ANKRD12: variants seen among roughly 807,000 people sequenced by gnomAD.
The protein encoded by ANKRD12 is ankyrin repeat domain 12.
ANKRD12 carries 85 observed loss-of-function variants against 183.4 expected under a neutral mutation model. That is an observed-to-expected ratio of 0.46 (90% CI 0.39 to 0.56). The LOEUF (loss-of-function observed/expected upper bound fraction) is 0.56. Among genes scored for constraint, ANKRD12 ranks in the 20% least tolerant of loss-of-function variants. The probability of loss-of-function intolerance (pLI) is 0.00; values close to 1 mark genes in which losing one functional copy is unlikely to be tolerated. For missense variants in ANKRD12, 2,405 were observed against 2,357.1 expected (o/e 1.02, Z -0.42); for synonymous variants, 914 against 800.2 (o/e 1.14, Z -2.40).
intron 10 of ANKRD12, among the ~76,000 whole-genome samples, 158 bp from the exon 11 acceptor site, chr18:9,275,366 C>T (rs114780193): frequency 0.018 from 2,743 of 151,786 alleles, 84 homozygotes; most frequent in African/African-American, 0.062. Context: ...CCAACTACTA[C>T]GGAGGCTGAG....
intron 1 of ANKRD12, among the ~76,000 whole-genome samples, chr18:9,170,233 G>A (rs1049844583): frequency 1.3e-5 from 2 of 152,246 alleles, no homozygotes. Context: ...GGCATTCTCT[G>A]TATTTCCTGA....
At chr18:9,176,385 G>A (rs1376994264) in intron 1 of ANKRD12, among the ~76,000 whole-genome samples, 2 of 151,998 alleles carry the variant, frequency 1.3e-5, no homozygotes, top group Non-Finnish European at 2.9e-5. Context: ...CTGCTTCCCA[G>A]GCTCAAGGAG....
chr18:9,138,345 C>T (rs1243972496), intron 1 of ANKRD12, among the ~76,000 whole-genome samples: 1 of 152,096 alleles, frequency 6.6e-6, no homozygotes, highest in Admixed American at 6.6e-5. Context: ...AAACCCCCGT[C>T]TCTACTAAAT....
rs1312327830 is a variant in ANKRD12, at chr18:9,254,337, C to T, written c.1070C>T (p.Ala357Val). 2 of 1,612,724 alleles carry T rather than the reference C, an allele frequency of 1.2e-6. No homozygotes were observed. Among genetic ancestry groups the T allele is most frequent in the African/African-American group, 1.3e-5 (1 of 74,806 alleles). Residue 357 changes from alanine to valine, a missense_variant, in exon 9 of 13, where the codon GCC becomes GTC. Physicochemically the swap from Ala to Val is moderately conservative, Grantham distance 64. Around this residue, in one of 7 missense-constraint regions of ANKRD12, gnomAD observed 1,983 missense variants for 1,725.9 expected, o/e 1.15. Transcript: ENST00000262126. ...CCCAGTAAAACACCTCTTCCATCTG[C>T]CCTTGATGAGTATGAGTTCAAAGAT... ...ILPSKTPLPS[A>V]LDEYEFKDDD...
chr18:9,157,585 G>GTGTGTGTGTGTGTGTGTGTA (rs1472659778), intron 1 of ANKRD12, among the ~76,000 whole-genome samples: 2 of 92,706 alleles, frequency 2.2e-5, no homozygotes, highest in African/African-American at 1.1e-4. Context: ...GTGTGTGTGT[G>GTGTGTGTGTGTGTGTGTGTA]TATATATATA....
In ANKRD12 at chr18:9,222,950, T is replaced by G. The variant is rs1252229945; in HGVS notation, c.943+951T>G. Among the ~76,000 whole-genome samples the G allele has an allele frequency of 2.6e-5, 4 of 152,312 alleles. No homozygotes were observed. The East Asian group carries it at 7.7e-4, about 29-fold the overall frequency. On this transcript the variant is annotated intron_variant, in intron 8 of 12. Coordinates refer to ENST00000262126, the MANE Select transcript of ANKRD12 (RefSeq NM_015208.5). Reference sequence around the variant, plus strand: ...AATGAAGTCATGGAATAAAAACTTTTGGCAGTGAGCACTGATTACAGACAA... The same window carrying G: ...AATGAAGTCATGGAATAAAAACTTTGGGCAGTGAGCACTGATTACAGACAA...
In ANKRD12 at chr18:9,255,126, C is replaced by A; in HGVS notation, c.1859C>A (p.Ser620Ter). Reference protein sequence around the residue: ...KDFHLEFGEKSNAKIKDEDHS... With the variant: ...KDFHLEFGEK ...TTCCACTTAGAATTTGGTGAAAAAT[C>A]AAATGCCAAAATAAAGGATGAAGAT... Residue 620 changes from serine to a stop codon, truncating the protein, a stop_gained, in exon 9 of 13, where the codon TCA becomes TAA. Transcript: ENST00000262126. LOFTEE classifies it high-confidence loss of function. 1.9e-6 allele frequency: 3 copies of A among 1,575,808 alleles called. No individual in the cohort carries two copies. Among genetic ancestry groups the A allele is most frequent in the East Asian group, 2.3e-5 (1 of 43,700 alleles).
intron 1 of ANKRD12, among the ~76,000 whole-genome samples, chr18:9,169,470 C>T (rs2032456470): frequency 6.6e-6 from 1 of 152,108 alleles, no homozygotes; most frequent in Admixed American, 6.5e-5. Context: ...TCTGTAATGG[C>T]CTTCTTTGTC....
intron 3 of ANKRD12, chr18:9,200,527 A>C (rs1416245829): frequency 6.6e-6 from 1 of 152,132 alleles, no homozygotes. Context: ...TGACAGGATA[A>C]ATTTTATAGT....
At chr18:9,276,298 G>A (rs1381350670) in intron 11 of ANKRD12, among the ~76,000 whole-genome samples, 1 of 152,152 alleles carries the variant, frequency 6.6e-6, no homozygotes, top group Non-Finnish European at 1.5e-5. Flanking sequence ...TGTTCTAAAG[G>A]AAATAAGCTA....
chr18:9,238,766 C>T (rs2037490522), intron 8 of ANKRD12, among the ~76,000 whole-genome samples: 1 of 152,158 alleles, frequency 6.6e-6, no homozygotes, highest in Admixed American at 6.5e-5. Context: ...CGTTTTTGTC[C>T]AGTCTAAACT....
In ANKRD12 at chr18:9,255,167, G is replaced by C; in HGVS notation, c.1900G>C (p.Glu634Gln). ...IKDEDHSPTF[E>Q]NSDCTLKKMD... Reference sequence around the variant, plus strand: ...GGATGAAGATCATAGTCCAACATTTGAAAATTCAGATTGCACACTGAAAAA... The same window carrying C: ...GGATGAAGATCATAGTCCAACATTTCAAAATTCAGATTGCACACTGAAAAA... Residue 634 changes from glutamate to glutamine, a missense_variant, in exon 9 of 13, where the codon GAA becomes CAA. Around this residue, in one of 7 missense-constraint regions of ANKRD12, gnomAD observed 1,983 missense variants for 1,725.9 expected, o/e 1.15. Coordinates refer to ENST00000262126, the MANE Select transcript of ANKRD12 (RefSeq NM_015208.5). The C allele has an allele frequency of 3.8e-6, 6 of 1,580,388 alleles. No individual in the cohort carries two copies. Among genetic ancestry groups the C allele is most frequent in the Non-Finnish European group, 5.1e-6 (6 of 1,168,956 alleles).
At position 9,257,304 on chromosome 18, in the gene ANKRD12, C is replaced by T; in HGVS notation, c.4037C>T (p.Pro1346Leu). The change falls in exon 9 of 13, where the codon CCC (proline) becomes CTC (leucine). Residue 1346 changes from proline (P) to leucine (L), a missense_variant. Transcript: ENST00000262126. ...LTVPGDTSPS[P>L]KPEVFSNVPE... Reference sequence around the variant, plus strand: ...GTGCCAGGAGATACTAGTCCTTCTCCCAAACCTGAGGTATTCTCAAATGTG... The same window carrying T: ...GTGCCAGGAGATACTAGTCCTTCTCTCAAACCTGAGGTATTCTCAAATGTG... 1 of 1,614,132 alleles carries T rather than the reference C, an allele frequency of 6.2e-7. No homozygotes were observed. The highest frequency in any genetic ancestry group is 8.5e-7 in the Non-Finnish European group (1 of 1,180,014).
chr18:9,240,989 A>C (rs1451457913), intron 8 of ANKRD12, among the ~76,000 whole-genome samples: 1 of 152,176 alleles, frequency 6.6e-6, no homozygotes, highest in East Asian at 1.9e-4. Context: ...ATGAAAATAC[A>C]ACTGTTGGTA....
intron 3 of ANKRD12, among the ~76,000 whole-genome samples, chr18:9,201,827 C>CA (rs796765661): frequency 7.1e-6 from 1 of 141,762 alleles, no homozygotes; most frequent in East Asian, 2.0e-4. Flanking sequence ...GTTTTTTTCG[C>CA]TTTTTTTTTT....
Position 9,254,643 on chromosome 18 carries a change from A to C in ANKRD12, c.1376A>C (p.Glu459Ala). Residue 459 changes from glutamate (E) to alanine (A), a missense_variant, in exon 9 of 13, where the codon GAA becomes GCA. Glu to Ala is a moderately radical substitution (Grantham distance 107). Coordinates refer to ENST00000262126, the MANE Select transcript of ANKRD12 (RefSeq NM_015208.5). The part of the protein sequence containing the change: ...TSNSDMQTKK[E>A]YVVSGEHKQK... ...AATTCTGATATGCAAACCAAAAAGG[A>C]ATATGTAGTTTCAGGTGAACACAAA... is the stretch of plus-strand genomic sequence containing the variant. 6.4e-7 allele frequency: 1 copy of C among 1,574,180 alleles called. No homozygotes were observed. The highest frequency in any genetic ancestry group is 8.6e-7 in the Non-Finnish European group (1 of 1,163,784).
intron 1 of ANKRD12, among the ~76,000 whole-genome samples, chr18:9,149,326 A>G (rs560770758): frequency 2.0e-4 from 31 of 152,334 alleles, no homozygotes; most frequent in African/African-American, 7.5e-4. Flanking sequence ...TAAAGGAAAT[A>G]CCCACACTTA....
At chr18:9,162,695 C>T (rs139658479) in intron 1 of ANKRD12, among the ~76,000 whole-genome samples, 1 of 152,174 alleles carries the variant, frequency 6.6e-6, no homozygotes, top group Non-Finnish European at 1.5e-5. Flanking sequence ...TTCTTTTTCT[C>T]CACAACCTCG....
intron 12 of ANKRD12, 92 bp from the exon 13 acceptor site, chr18:9,280,849 A>G: frequency 4.9e-6 from 6 of 1,214,300 alleles, no homozygotes; most frequent in East Asian, 4.7e-5. Context: ...TGATGTGTCC[A>G]TTTTAGTTCC....
Sources: allele counts gnomAD v4.1 joint callset (sites outside exome capture counted in the v4.1 genomes callset), GRCh38; gene constraint gnomAD v4.1.1; regional missense constraint gnomAD v4.1.1; transcripts MANE v1.5; gene names NCBI Gene and HGNC (gene_info 2026-07-23, HGNC 2026-07-21).